PAG1: variants seen among roughly 807,000 people sequenced by gnomAD.
The protein encoded by PAG1 is phosphoprotein membrane anchor with glycosphingolipid microdomains 1, also known as phosphoprotein associated with glycosphingolipid-enriched microdomains 1.
PAG1 carries 23 observed loss-of-function variants against 31.7 expected under a neutral mutation model. That is an observed-to-expected ratio of 0.73 (90% CI 0.52 to 1.03). The LOEUF (loss-of-function observed/expected upper bound fraction) is 1.03. Ranked by LOEUF, PAG1 falls within the 50% of genes least tolerant of loss-of-function variation. The pLI is 0.00. For missense variants in PAG1, 473 were observed against 540.7 expected (o/e 0.87, Z 1.24); for synonymous variants, 214 against 210.3 (o/e 1.02, Z -0.15).
At chr8:81,018,367 A>G (rs1436523612) in intron 3 of PAG1, among the ~76,000 whole-genome samples, 1 of 152,222 alleles carries the variant, frequency 6.6e-6, no homozygotes, top group African/African-American at 2.4e-5. Flanking sequence ...ATATTTTAAT[A>G]TGATTTTGAG....
chr8:81,084,153 T>C (rs1809314656), intron 1 of PAG1, among the ~76,000 whole-genome samples: 1 of 152,258 alleles, frequency 6.6e-6, no homozygotes, highest in African/African-American at 2.4e-5. Flanking sequence ...TTCTGCCATC[T>C]TTCCTCTACC....
chr8:80,995,213 A>C (rs1807647183), intron 3 of PAG1, among the ~76,000 whole-genome samples: 1 of 152,260 alleles, frequency 6.6e-6, no homozygotes, highest in Admixed American at 6.5e-5. Flanking sequence ...CTGAGAGATG[A>C]AGTTGTTTTC....
intron 1 of PAG1, among the ~76,000 whole-genome samples, chr8:81,077,148 A>G (rs571342527): frequency 2.5e-4 from 38 of 152,360 alleles, no homozygotes; most frequent in Admixed American, 2.2e-3. Context: ...GCTCGTTAGA[A>G]AGGCAAACCC....
At chr8:81,044,907 C>T (rs866429023) in intron 2 of PAG1, among the ~76,000 whole-genome samples, 1 of 152,072 alleles carries the variant, frequency 6.6e-6, no homozygotes, top group Admixed American at 6.5e-5. Flanking sequence ...TTTCTGGCAC[C>T]CCCCTCCCCA....
At chr8:80,994,003 A>T (rs1054811294) in intron 3 of PAG1, among the ~76,000 whole-genome samples, 1 of 151,852 alleles carries the variant, frequency 6.6e-6, no homozygotes. Context: ...AACAGTATAT[A>T]ACAATTCTTA....
At chr8:81,076,040 A>G (rs544539249) in intron 1 of PAG1, among the ~76,000 whole-genome samples, 135 of 152,332 alleles carry the variant, frequency 8.9e-4, no homozygotes, top group Non-Finnish European at 1.7e-3. Flanking sequence ...ATACAGTTAT[A>G]ACAAACTGGC....
chr8:81,054,751 G>C (rs74686833), intron 2 of PAG1, among the ~76,000 whole-genome samples: 1 of 152,150 alleles, frequency 6.6e-6, no homozygotes, highest in Non-Finnish European at 1.5e-5. Flanking sequence ...TTTTATAGAT[G>C]AGTATACTAA....
intron 1 of PAG1, among the ~76,000 whole-genome samples, chr8:81,076,432 T>G (rs181693833): frequency 1.3e-5 from 2 of 152,334 alleles, no homozygotes; most frequent in East Asian, 3.9e-4. Context: ...TTAATAAGCC[T>G]ATGTACACAC....
chr8:81,041,499 T>C (rs1808554525), intron 2 of PAG1, among the ~76,000 whole-genome samples: 1 of 152,208 alleles, frequency 6.6e-6, no homozygotes, highest in African/African-American at 2.4e-5. Flanking sequence ...TCTCCATTTA[T>C]CTTCAGTTCC....
chr8:80,997,004 T>C (rs754878423), intron 3 of PAG1, among the ~76,000 whole-genome samples: 1 of 152,164 alleles, frequency 6.6e-6, no homozygotes, highest in Non-Finnish European at 1.5e-5. Flanking sequence ...GTGACAATCA[T>C]GGCATTTCCA....
intron 2 of PAG1, among the ~76,000 whole-genome samples, chr8:81,046,444 C>T (rs1395751385): frequency 6.6e-6 from 1 of 152,156 alleles, no homozygotes; most frequent in Non-Finnish European, 1.5e-5. Flanking sequence ...GCTGATGTGC[C>T]CTTTCCCCCT....
chr8:80,987,310 C>T lies in PAG1; in HGVS notation c.274+60G>A, dbSNP rs1371391947. On this transcript the variant is annotated intron_variant, in intron 6 of 8. Coordinates refer to ENST00000220597, the MANE Select transcript of PAG1 (RefSeq NM_018440.4). ...ACTTTTTGAGCTATGTATTTTGAAA[C>T]CTAGGACTTCCAGAGGTGATGAGGC... 4 of 1,048,260 alleles carry T rather than the reference C, an allele frequency of 3.8e-6. No homozygotes were observed. The Admixed American group carries it at 7.4e-5, about 19-fold the overall frequency. The allele number at this position is 1,048,260 out of a possible 1,614,324, so 64.9% of individuals were successfully genotyped here.
chr8:80,984,664 T>C lies in PAG1; in HGVS notation c.876+112A>G, dbSNP rs1472507026. Reference sequence around the variant, plus strand: ...GCTTACATGAAAACAGCTCTCATCATTCAACAAACTGGAAAGTGTTTGCAG... The same window carrying C: ...GCTTACATGAAAACAGCTCTCATCACTCAACAAACTGGAAAGTGTTTGCAG... On this transcript the variant is annotated intron_variant, in intron 7 of 8. Transcript: ENST00000220597. The C allele has an allele frequency of 2.0e-6, 2 of 1,024,130 alleles. 1 individual carries two copies. Among genetic ancestry groups the C allele is most frequent in the South Asian group, 3.3e-5 (2 of 61,024 alleles). The allele number at this position is 1,024,130 out of a possible 1,614,324, so 63.4% of individuals were successfully genotyped here.
chr8:81,041,195 ATT>A (rs962489301), intron 2 of PAG1, among the ~76,000 whole-genome samples: 2 of 147,220 alleles, frequency 1.4e-5, no homozygotes, highest in Non-Finnish European at 3.0e-5. Flanking sequence ...GTGGAATCAC[ATT>A]TTTTTTTTTG....
At chr8:81,027,883 CGACA>C (rs1456207989) in intron 3 of PAG1, among the ~76,000 whole-genome samples, 1 of 128,030 alleles carries the variant, frequency 7.8e-6, no homozygotes, top group Non-Finnish European at 1.5e-5. Context: ...CCAGCCTGGG[CGACA>C]GAGCAGGACT....
intron 3 of PAG1, among the ~76,000 whole-genome samples, chr8:81,015,198 A>T (rs1808052702): frequency 6.6e-6 from 1 of 152,210 alleles, no homozygotes; most frequent in East Asian, 1.9e-4. Flanking sequence ...GTGTGGATCA[A>T]TCTAGAACTA....
intron 1 of PAG1, among the ~76,000 whole-genome samples, chr8:81,104,548 T>C (rs1202325216): frequency 6.6e-6 from 1 of 152,210 alleles, no homozygotes; most frequent in Non-Finnish European, 1.5e-5. Context: ...TCTCAGGTCC[T>C]GAATGTCCCT....
intron 1 of PAG1, among the ~76,000 whole-genome samples, chr8:81,081,533 C>T (rs1233542107): frequency 1.3e-5 from 2 of 152,068 alleles, no homozygotes; most frequent in African/African-American, 4.8e-5. Flanking sequence ...TTTCCATCAC[C>T]AAGTATTACT....
chr8:80,984,534 T>G (rs1039501031), intron 7 of PAG1, among the ~76,000 whole-genome samples: 2 of 152,164 alleles, frequency 1.3e-5, no homozygotes, highest in Admixed American at 1.3e-4. Context: ...TAATTAGACA[T>G]GATGGAAAAA....
Sources: allele counts gnomAD v4.1 joint callset (sites outside exome capture counted in the v4.1 genomes callset), GRCh38; gene constraint gnomAD v4.1.1; transcripts MANE v1.5; gene names NCBI Gene and HGNC (gene_info 2026-07-23, HGNC 2026-07-21).